Variants in EML5 observed in about 807,000 individuals in gnomAD.
EML5 encodes echinoderm microtubule-associated protein-like 5.
In EML5, 120 loss-of-function variants were observed where a neutral mutation model predicts 250.0. That is an observed-to-expected ratio of 0.48 (90% CI 0.41 to 0.56). The LOEUF is 0.56. Ranked by LOEUF, EML5 falls within the 20% of genes least tolerant of loss-of-function variation. The pLI is 0.00. For synonymous variants in EML5, 771 were observed against 806.5 expected (o/e 0.96, Z 0.75); for missense variants, 2,006 against 2,437.6 (o/e 0.82, Z 3.73).
chr14:88,732,811 T>C (rs1224839257), intron 7 of EML5, among the ~76,000 whole-genome samples: 1 of 152,200 alleles, frequency 6.6e-6, no homozygotes, highest in Admixed American at 6.5e-5. Flanking sequence ...TTAAGAAGAA[T>C]TGATCTCTGT....
At chr14:88,753,440 T>C (rs1157715072) in intron 2 of EML5, among the ~76,000 whole-genome samples, 1 of 152,234 alleles carries the variant, frequency 6.6e-6, no homozygotes, top group Non-Finnish European at 1.5e-5. Flanking sequence ...TGTAATTTGT[T>C]TCTGTAAAAT....
intron 8 of EML5, among the ~76,000 whole-genome samples, chr14:88,717,399 C>T (rs2093514457): frequency 6.6e-6 from 1 of 152,046 alleles, no homozygotes; most frequent in Non-Finnish European, 1.5e-5. Flanking sequence ...AGATTTTTGG[C>T]CTTAATTTGT....
rs1158189059 is a variant in EML5, at chr14:88,661,773, T to C, written c.3556A>G (p.Ile1186Val). 2 of 1,613,720 alleles carry C rather than the reference T, an allele frequency of 1.2e-6. No homozygotes were observed. Among genetic ancestry groups the C allele is most frequent in the African/African-American group, 2.7e-5 (2 of 75,038 alleles). Residue 1186 changes from isoleucine (I) to valine (V), a missense_variant, in exon 25 of 44, where the codon ATT becomes GTT. Ile to Val is a conservative substitution (Grantham distance 29). Around this residue, in one of 7 missense-constraint regions of EML5, gnomAD observed 1,375 missense variants for 1,590.3 expected, o/e 0.86. Coordinates refer to ENST00000554922, the MANE Select transcript of EML5 (RefSeq NM_183387.3). ...GTAACTTCTCCAATTACTGGCCAAA[T>C]TCCTTCACAGCATAAACCAAGTACA... ...TSVLGLCCEG[I>V]WPVIGEVTDV...
intron 7 of EML5, among the ~76,000 whole-genome samples, chr14:88,734,894 C>T (rs539628071): frequency 6.6e-6 from 1 of 152,198 alleles, no homozygotes; most frequent in African/African-American, 2.4e-5. Context: ...ACTGAAAAGA[C>T]ATATCAGCAA....
At chr14:88,782,993 C>G (rs1026222346) in intron 1 of EML5, among the ~76,000 whole-genome samples, 1 of 151,984 alleles carries the variant, frequency 6.6e-6, no homozygotes, top group Non-Finnish European at 1.5e-5. Context: ...ACAGAAGAAT[C>G]GCTTGAACCC....
intron 4 of EML5, among the ~76,000 whole-genome samples, chr14:88,741,900 TTATC>T (rs1371473323): frequency 1.3e-5 from 2 of 152,198 alleles, no homozygotes; most frequent in Non-Finnish European, 2.9e-5. Flanking sequence ...ATTATGATCA[TTATC>T]TATTCAAAGA....
chr14:88,731,798 T>C (rs1439873747), intron 7 of EML5, among the ~76,000 whole-genome samples: 1 of 152,216 alleles, frequency 6.6e-6, no homozygotes, highest in Non-Finnish European at 1.5e-5. Flanking sequence ...GTGGTTTTGA[T>C]TTGCATTTCT....
intron 25 of EML5, among the ~76,000 whole-genome samples, chr14:88,660,700 G>A (rs138530380): frequency 0.02 from 2,999 of 151,092 alleles, 98 homozygotes; most frequent in African/African-American, 0.066. Flanking sequence ...CCTAGATCAT[G>A]CCACTGCACT....
intron 27 of EML5, among the ~76,000 whole-genome samples, chr14:88,656,499 G>T (rs1369738727): frequency 6.6e-6 from 1 of 152,068 alleles, no homozygotes; most frequent in African/African-American, 2.4e-5. Flanking sequence ...GATAGCATTA[G>T]AAGAAATACC....
chr14:88,778,777 CA>C (rs1345489056), intron 1 of EML5, among the ~76,000 whole-genome samples: 9 of 151,416 alleles, frequency 5.9e-5, no homozygotes, highest in Admixed American at 4.6e-4. Context: ...GACTCCATCT[CA>C]AAAACAAAAC....
At chr14:88,748,080 T>C (rs1004957560) in intron 2 of EML5, among the ~76,000 whole-genome samples, 1 of 152,096 alleles carries the variant, frequency 6.6e-6, no homozygotes, top group African/African-American at 2.4e-5. Context: ...GGAATCCAAA[T>C]AGAGCCTGGT....
chr14:88,661,703 G>T lies in EML5; in HGVS notation c.3626C>A (p.Ala1209Asp). 1 of 1,613,608 alleles carries T rather than the reference G, an allele frequency of 6.2e-7. No individual in the cohort carries two copies. Among genetic ancestry groups the T allele is most frequent in the Non-Finnish European group, 8.5e-7 (1 of 1,179,760 alleles). ...SCLTSDKMVL[A>D]TGDDLGFVKL... Reference sequence around the variant, plus strand: ...CACAAATCCCAAATCGTCCCCGGTAGCTAGAACCATTTTGTCACTGGTGAG... The same window carrying T: ...CACAAATCCCAAATCGTCCCCGGTATCTAGAACCATTTTGTCACTGGTGAG... Residue 1209 changes from alanine (A) to aspartate (D), a missense_variant, in exon 25 of 44, where the codon GCT (alanine) becomes GAT (aspartate). This residue lies in a region of EML5 where 1,375 missense variants were observed against 1,590.3 expected (regional missense o/e 0.86). Coordinates refer to ENST00000554922, the MANE Select transcript of EML5 (RefSeq NM_183387.3).
At chr14:88,662,345 T>TG (rs1555430008) in intron 24 of EML5, among the ~76,000 whole-genome samples, 4 of 137,514 alleles carry the variant, frequency 2.9e-5, no homozygotes, top group South Asian at 2.2e-4. Flanking sequence ...TCTTGTTTTT[T>TG]TTTTTTTTTT....
At chr14:88,712,237 G>T in intron 10 of EML5, 34 bp downstream of exon 10, 1 of 1,437,764 alleles carries the variant, frequency 7.0e-7, no homozygotes, top group Non-Finnish European at 9.7e-7. Context: ...TTCTGTGAGA[G>T]AGAGGTTACT....
At chr14:88,667,441 A>G (rs2092337250) in intron 21 of EML5, among the ~76,000 whole-genome samples, 1 of 152,200 alleles carries the variant, frequency 6.6e-6, no homozygotes, top group Non-Finnish European at 1.5e-5. Context: ...CTTCACTTGT[A>G]CCAAGGGTAG....
chr14:88,783,979 G>C (rs1267665525), intron 1 of EML5, among the ~76,000 whole-genome samples: 10 of 152,078 alleles, frequency 6.6e-5, no homozygotes, highest in Non-Finnish European at 1.0e-4. Context: ...GACCACAATG[G>C]AATAAAACTA....
intron 3 of EML5, among the ~76,000 whole-genome samples, chr14:88,745,163 G>GTGTT (rs575958301): frequency 9.9e-5 from 14 of 141,940 alleles, no homozygotes; most frequent in Admixed American, 5.6e-4. Context: ...TCTAAATTGT[G>GTGTT]TGTTTGTGTG....
At chr14:88,710,512 C>T (rs59592642) in intron 10 of EML5, among the ~76,000 whole-genome samples, 1 of 152,146 alleles carries the variant, frequency 6.6e-6, no homozygotes, top group African/African-American at 2.4e-5. Flanking sequence ...GAGTATATTT[C>T]TAGTAATACT....
intron 21 of EML5, among the ~76,000 whole-genome samples, chr14:88,675,352 T>C (rs540070119): frequency 8.1e-4 from 124 of 152,340 alleles, no homozygotes; most frequent in Admixed American, 1.4e-3. Flanking sequence ...CCTCAATTCT[T>C]GACTTCTGTG....
Sources: allele counts gnomAD v4.1 joint callset (sites outside exome capture counted in the v4.1 genomes callset), GRCh38; gene constraint gnomAD v4.1.1; regional missense constraint gnomAD v4.1.1; transcripts MANE v1.5; gene names NCBI Gene and HGNC (gene_info 2026-07-23, HGNC 2026-07-21).